The following TBC1D22B variants were observed in gnomAD, a reference collection of about 807,000 sequenced individuals.
The protein encoded by TBC1D22B is chromosome 6 open reading frame 197.
TBC1D22B carries 32 observed loss-of-function variants against 69.1 expected under a neutral mutation model. The ratio of observed to expected loss-of-function variants is 0.46; its 90% confidence interval spans 0.35 to 0.62. TBC1D22B has a LOEUF of 0.62. Among genes scored for constraint, TBC1D22B ranks in the 20% least tolerant of loss-of-function variants. The probability of loss-of-function intolerance (pLI) is 0.00; values close to 1 mark genes in which losing one functional copy is unlikely to be tolerated. For synonymous variants in TBC1D22B, 206 were observed against 229.8 expected, an observed-to-expected ratio of 0.90 and a Z score of 0.94; for missense variants, 462 against 630.9, an observed-to-expected ratio of 0.73 and a Z score of 2.87.
chr6:37,282,109 A>G, intron 3 of TBC1D22B, 76 bp from the exon 4 acceptor site: 1 of 1,520,800 alleles, frequency 6.6e-7, no homozygotes, highest in Non-Finnish European at 9.1e-7. Context: ...CACAATGCTG[A>G]ACGGTTAGGT....
chr6:37,332,784 C>G lies in TBC1D22B; in HGVS notation c.*1612C>G, dbSNP rs1358476234. 6.5e-6 allele frequency: 1 copy of G among 152,696 alleles called. No homozygotes were observed. The allele number at this position is 152,696 out of a possible 1,614,324, so 9.5% of individuals were successfully genotyped here. The stretch of plus-strand genomic sequence containing the variant: ...TCTTCCCAACCCTCTTCCTTTTCCC[C>G]TTCGGTGTGCCTCAGTGGTCTCCTT... On this transcript the variant is annotated 3_prime_UTR_variant, in exon 13 of 13. Transcript: ENST00000373491.
At position 37,332,737 on chromosome 6, in the gene TBC1D22B, T is replaced by C. The variant is rs1768619601; in HGVS notation, c.*1565T>C. The C allele has an allele frequency of 6.5e-6, 1 of 152,736 alleles. No homozygotes were observed. The highest frequency in any genetic ancestry group is 2.1e-4 in the South Asian group (1 of 4,824). 9.5% of individuals were successfully genotyped at this position (152,736 alleles called of 1,614,324 possible). Reference sequence around the variant, plus strand: ...ACATCGGTGTGAGTTAGGTTTCTCATCTGGAGCTGTTTCTCAGGCATTCTT... The same window carrying C: ...ACATCGGTGTGAGTTAGGTTTCTCACCTGGAGCTGTTTCTCAGGCATTCTT... On this transcript the variant is annotated 3_prime_UTR_variant, in exon 13 of 13. Transcript: ENST00000373491.
intron 2 of TBC1D22B, among the ~76,000 whole-genome samples, chr6:37,277,861 G>A (rs1009428452): frequency 3.3e-5 from 5 of 152,162 alleles, no homozygotes; most frequent in Admixed American, 1.3e-4. Flanking sequence ...GGGCGTGGTG[G>A]CTCATGCCTG....
Position 37,269,580 on chromosome 6 carries a change from G to T in TBC1D22B, c.57-14G>T. The T allele has an allele frequency of 6.2e-7, 1 of 1,613,864 alleles. No homozygotes were observed. Among genetic ancestry groups the T allele is most frequent in the Non-Finnish European group, 8.5e-7 (1 of 1,179,878 alleles). On this transcript the variant is annotated splice_polypyrimidine_tract_variant and intron_variant, in intron 1 of 12. Transcript: ENST00000373491. ...ACTAAACTAACTATTTCTTCCTTTT[G>T]TTTTTGCTTTTAGCATTCAGCCTGT...
At position 37,279,427 on chromosome 6, in the gene TBC1D22B, C is replaced by A. The variant is rs1390593221; in HGVS notation, c.237C>A (p.Asp79Glu). 17 of 1,614,198 alleles carry A rather than the reference C, an allele frequency of 1.1e-5. No homozygotes were observed. The highest frequency in any genetic ancestry group is 1.3e-5 in the Non-Finnish European group (15 of 1,180,034). The change falls in exon 3 of 13, where the codon GAC becomes GAA. Residue 79 changes from aspartate (D) to glutamate (E), a missense_variant. Around this residue, in one of 2 missense-constraint regions of TBC1D22B, gnomAD observed 237 missense variants for 255.4 expected, o/e 0.93. Coordinates refer to ENST00000373491, the MANE Select transcript of TBC1D22B (RefSeq NM_017772.4). ...ACATTGGCGATGATGAGGAAGAGGACTTTTCCTCACCTTCTTTCCAAACTC... is the reference window on the plus strand; with the variant it reads ...ACATTGGCGATGATGAGGAAGAGGAATTTTCCTCACCTTCTTTCCAAACTC... Reference protein sequence around the residue: ...AWDIGDDEEEDFSSPSFQTLN... With the variant: ...AWDIGDDEEEEFSSPSFQTLN...
In TBC1D22B at chr6:37,332,927, TAAAGTGA is replaced by T. The variant is rs1211466447; in HGVS notation, c.*1760_*1766del. The T allele has an allele frequency of 1.3e-5, 2 of 152,360 alleles. No individual in the cohort carries two copies. Among genetic ancestry groups the T allele is most frequent in the African/African-American group, 4.8e-5 (2 of 41,452 alleles). 9.4% of individuals were successfully genotyped at this position (152,360 alleles called of 1,614,324 possible). On this transcript the variant is annotated 3_prime_UTR_variant, in exon 13 of 13. Coordinates refer to ENST00000373491, the MANE Select transcript of TBC1D22B (RefSeq NM_017772.4). ...TTATGTTTGTATGGGAAATTGTGGA[TAAAGTGA>T]AAAGAATTGTAAATAAATGGTGTAT... is the stretch of plus-strand genomic sequence containing the variant.
chr6:37,304,582 T>G (rs1009877072), intron 8 of TBC1D22B, among the ~76,000 whole-genome samples: 5 of 152,200 alleles, frequency 3.3e-5, no homozygotes, highest in Admixed American at 3.3e-4. Flanking sequence ...AGGTAAAGCT[T>G]ATCTATGGCG....
At chr6:37,298,607 G>A (rs570900590) in intron 8 of TBC1D22B, among the ~76,000 whole-genome samples, 152 of 138,466 alleles carry the variant, frequency 1.1e-3, no homozygotes, top group African/African-American at 2.5e-3. Context: ...GTGCAGTGGC[G>A]CGATCTCGGC....
intron 12 of TBC1D22B, among the ~76,000 whole-genome samples, chr6:37,321,276 T>G (rs1768235766): frequency 6.6e-6 from 1 of 151,968 alleles, no homozygotes; most frequent in Admixed American, 6.5e-5. Flanking sequence ...TCTGAACCAC[T>G]GTGCTTTGCT....
At position 37,284,441 on chromosome 6, in the gene TBC1D22B, C is replaced by A. The variant is rs747527780; in HGVS notation, c.778C>A (p.His260Asn). 1 of 1,596,510 alleles carries A rather than the reference C, an allele frequency of 6.3e-7. No homozygotes were observed. Among genetic ancestry groups the A allele is most frequent in the South Asian group, 1.1e-5 (1 of 87,702 alleles). ...EQYYDSRNEE[H>N]HQDTYRQIHI... Reference sequence around the variant, plus strand: ...GTATTATGACTCTCGAAACGAGGAACATCACCAGGATACCTACAGACAGGT... The same window carrying A: ...GTATTATGACTCTCGAAACGAGGAAAATCACCAGGATACCTACAGACAGGT... Residue 260 changes from histidine to asparagine, a missense_variant, in exon 6 of 13, where the codon CAT becomes AAT. Physicochemically the swap from His to Asn is moderately conservative, Grantham distance 68. Coordinates refer to ENST00000373491, the MANE Select transcript of TBC1D22B (RefSeq NM_017772.4).
intron 8 of TBC1D22B, among the ~76,000 whole-genome samples, chr6:37,297,263 T>A (rs1767414205): frequency 6.6e-6 from 1 of 152,204 alleles, no homozygotes; most frequent in Non-Finnish European, 1.5e-5. Context: ...AAATCAGAGC[T>A]GCGTATTATA....
In TBC1D22B at chr6:37,313,845, C is replaced by T. The variant is rs1331891171; in HGVS notation, c.1119C>T (p.Ile373=). The change falls in exon 10 of 13, where the codon ATC becomes ATT. Residue 373 remains isoleucine (I), a synonymous_variant. Coordinates refer to ENST00000373491, the MANE Select transcript of TBC1D22B (RefSeq NM_017772.4). ...ACTACACCTTTGCACAACCAGGAAT[C>T]CAGAAGAAGGTGAAGGCACTGGAAG... ...QDNYTFAQPG[I]QKKVKALEEL... is the part of the protein sequence containing the mutation. The T allele has an allele frequency of 6.2e-6, 10 of 1,614,098 alleles. No homozygotes were observed. Among genetic ancestry groups the T allele is most frequent in the Non-Finnish European group, 7.6e-6 (9 of 1,180,002 alleles).
Position 37,331,253 on chromosome 6 carries a change from C to A in TBC1D22B, c.*81C>A. 4 of 1,476,938 alleles carry A rather than the reference C, an allele frequency of 2.7e-6. No individual in the cohort carries two copies. Among genetic ancestry groups the A allele is most frequent in the Non-Finnish European group, 2.8e-6 (3 of 1,067,608 alleles). The allele number at this position is 1,476,938 out of a possible 1,614,324, so 91.5% of individuals were successfully genotyped here. A position where few individuals can be genotyped will look rare whatever the true frequency, so the allele number is the denominator to read the frequency against. On this transcript the variant is annotated 3_prime_UTR_variant, in exon 13 of 13. Coordinates refer to ENST00000373491, the MANE Select transcript of TBC1D22B (RefSeq NM_017772.4). ...CTGTGGCCACTGTGCGAGCCGTGGA[C>A]CCCGGCCAGGAACCACTCCTGTTGT...
At chr6:37,275,185 T>C (rs1311115827) in intron 2 of TBC1D22B, among the ~76,000 whole-genome samples, 2 of 152,026 alleles carry the variant, frequency 1.3e-5, no homozygotes, top group African/African-American at 2.4e-5. Flanking sequence ...CCAGCTGGAG[T>C]TACCTGGATT....
At chr6:37,298,218 A>G (rs1273058502) in intron 8 of TBC1D22B, among the ~76,000 whole-genome samples, 1 of 152,178 alleles carries the variant, frequency 6.6e-6, no homozygotes, top group Non-Finnish European at 1.5e-5. Context: ...TCAAAACAAT[A>G]TAGAAGTGTT....
chr6:37,306,476 C>T (rs974324057), intron 8 of TBC1D22B, among the ~76,000 whole-genome samples: 9 of 152,162 alleles, frequency 5.9e-5, no homozygotes, highest in Non-Finnish European at 1.3e-4. Context: ...TGGGCAGGTC[C>T]TAGAAGATTA....
chr6:37,316,914 A>T, intron 11 of TBC1D22B, 84 bp downstream of exon 11: 1 of 1,595,382 alleles, frequency 6.3e-7, no homozygotes, highest in Admixed American at 1.7e-5. Flanking sequence ...GTAGCTGCTT[A>T]GAAGCTTCCC....
intron 8 of TBC1D22B, among the ~76,000 whole-genome samples, chr6:37,301,615 T>G (rs908045583): frequency 6.6e-6 from 1 of 152,242 alleles, no homozygotes; most frequent in African/African-American, 2.4e-5. Context: ...ATGGATGTAC[T>G]ACATCTTATT....
At chr6:37,310,419 A>G (rs563536325) in intron 8 of TBC1D22B, among the ~76,000 whole-genome samples, 60 of 152,186 alleles carry the variant, frequency 3.9e-4, no homozygotes, top group Non-Finnish European at 7.1e-4. Context: ...CTGTAATCCT[A>G]CCACTTTGAG....
Sources: gnomAD v4.1 joint callset for allele counts (sites outside exome capture counted in the v4.1 genomes callset) on GRCh38, gnomAD v4.1.1 for gene constraint, gnomAD v4.1.1 regional missense constraint, MANE v1.5 for transcripts, NCBI Gene and HGNC (gene_info 2026-07-23, HGNC 2026-07-21) for gene names.